MBD5: variants seen among roughly 807,000 people sequenced by gnomAD.
MBD5 encodes the protein methyl-CpG-binding domain protein 5.
Under a neutral mutation model 117.3 loss-of-function variants are expected in MBD5, and 13 were observed. That is an observed-to-expected ratio of 0.11 (90% confidence interval 0.07 to 0.18). MBD5 has a LOEUF of 0.18. MBD5 is among the 10% of genes least tolerant of loss of function. The probability of loss-of-function intolerance (pLI) is 1.00; values close to 1 mark genes in which losing one functional copy is unlikely to be tolerated. For synonymous variants in MBD5, 727 were observed against 766.4 expected (o/e 0.95, Z 0.85); for missense variants, 1,879 against 2,093.8 (o/e 0.90, Z 2.00).
chr2:148,501,122 C>G (rs1681858720), intron 11 of MBD5, among the ~76,000 whole-genome samples: 1 of 152,160 alleles, frequency 6.6e-6, no homozygotes, highest in Non-Finnish European at 1.5e-5. Context: ...ACAAACATTT[C>G]CATATTTGAC....
intron 13 of MBD5, among the ~76,000 whole-genome samples, chr2:148,511,858 G>T (rs1174632819): frequency 6.6e-6 from 1 of 152,142 alleles, no homozygotes; most frequent in Non-Finnish European, 1.5e-5. Flanking sequence ...CTGCATTTGA[G>T]TCTGGATAGC....
At chr2:148,322,246 T>C (rs970193818) in intron 3 of MBD5, among the ~76,000 whole-genome samples, 2 of 152,376 alleles carry the variant, frequency 1.3e-5, no homozygotes, top group East Asian at 3.9e-4. Context: ...GTAAATTGGC[T>C]TATACAACTA....
intron 3 of MBD5, among the ~76,000 whole-genome samples, chr2:148,283,668 C>G (rs1249104476): frequency 6.6e-6 from 1 of 152,188 alleles, no homozygotes; most frequent in Non-Finnish European, 1.5e-5. Flanking sequence ...GTGCTCTCCA[C>G]TGAAGTCCCC....
chr2:148,470,038 A>C lies in MBD5; in HGVS notation c.2095A>C (p.Ser699Arg), dbSNP rs774227790. Residue 699 changes from serine to arginine, a missense_variant, in exon 8 of 14, where the codon AGT (serine) becomes CGT (arginine). Physicochemically the swap from Ser to Arg is moderately radical, Grantham distance 110. This residue lies in a region of MBD5 where 1,666 missense variants were observed against 1,792.2 expected (regional missense o/e 0.93). Coordinates refer to ENST00000642680, the MANE Select transcript of MBD5 (RefSeq NM_001378120.1). ...RKQGQGSFPISSMSQLLQSMS... is the reference protein window; with the variant it reads ...RKQGQGSFPIRSMSQLLQSMS... ...GCAGGGTCAGGGTTCATTTCCCATCAGTTCAATGTCTCAGTTACTACAGTC... is the reference window on the plus strand; with the variant it reads ...GCAGGGTCAGGGTTCATTTCCCATCCGTTCAATGTCTCAGTTACTACAGTC... 1.4e-5 allele frequency: 23 copies of C among 1,613,744 alleles called. No homozygotes were observed. Among genetic ancestry groups the C allele is most frequent in the Non-Finnish European group, 1.9e-5 (22 of 1,179,888 alleles).
At chr2:148,069,468 A>G (rs1453710259) in intron 1 of MBD5, among the ~76,000 whole-genome samples, 1 of 152,082 alleles carries the variant, frequency 6.6e-6, no homozygotes, top group East Asian at 1.9e-4. Context: ...TCAACAGCTC[A>G]CAATAAATGA....
At chr2:148,130,495 T>A (rs1018322026) in intron 1 of MBD5, among the ~76,000 whole-genome samples, 4 of 151,814 alleles carry the variant, frequency 2.6e-5, no homozygotes, top group Non-Finnish European at 5.9e-5. Context: ...ATGTAGAGAA[T>A]TTTCACCAAG....
chr2:148,291,920 C>T (rs1701508793), intron 3 of MBD5, among the ~76,000 whole-genome samples: 1 of 152,126 alleles, frequency 6.6e-6, no homozygotes, highest in Non-Finnish European at 1.5e-5. Flanking sequence ...CATACACATA[C>T]AGTGAACTCA....
chr2:148,154,251 G>A (rs963154820), intron 1 of MBD5, among the ~76,000 whole-genome samples: 28 of 151,688 alleles, frequency 1.8e-4, no homozygotes, highest in Admixed American at 1.6e-3. Flanking sequence ...TAGGCTGCTC[G>A]GGGGTCAGTG....
intron 8 of MBD5, among the ~76,000 whole-genome samples, chr2:148,476,157 G>A (rs1423397818): frequency 2.0e-5 from 3 of 152,048 alleles, no homozygotes; most frequent in Admixed American, 6.6e-5. Flanking sequence ...TACTAGAGCA[G>A]GGCTCCTGTG....
intron 1 of MBD5, among the ~76,000 whole-genome samples, chr2:148,100,243 A>G (rs1358776498): frequency 2.6e-5 from 4 of 152,196 alleles, no homozygotes; most frequent in Admixed American, 2.0e-4. Flanking sequence ...TCTTGAAGCA[A>G]GAGAAAGCAA....
intron 3 of MBD5, among the ~76,000 whole-genome samples, chr2:148,332,614 T>G (rs73015109): frequency 1.3e-5 from 2 of 152,194 alleles, no homozygotes; most frequent in African/African-American, 4.8e-5. Context: ...AATTTTTATG[T>G]CTTCCCTCCA....
At chr2:148,100,947 A>G (rs577447235) in intron 1 of MBD5, among the ~76,000 whole-genome samples, 1 of 152,268 alleles carries the variant, frequency 6.6e-6, no homozygotes, top group African/African-American at 2.4e-5. Flanking sequence ...GCATCTTTGT[A>G]AAGTACAACT....
intron 4 of MBD5, among the ~76,000 whole-genome samples, chr2:148,365,623 C>T (rs902793395): frequency 2.6e-5 from 4 of 152,002 alleles, no homozygotes; most frequent in Non-Finnish European, 5.9e-5. Context: ...CAAATAGACA[C>T]AATAAAAAAT....
intron 1 of MBD5, among the ~76,000 whole-genome samples, chr2:148,168,564 G>A (rs960963839): frequency 6.6e-6 from 1 of 152,148 alleles, no homozygotes; most frequent in African/African-American, 2.4e-5. Flanking sequence ...ATTGGAACCA[G>A]TGAGGAGGGA....
chr2:148,382,216 C>A (rs568057066), intron 4 of MBD5, among the ~76,000 whole-genome samples: 1 of 151,462 alleles, frequency 6.6e-6, no homozygotes. Flanking sequence ...ACCCATCTCA[C>A]GTGCAGAGAC....
chr2:148,150,399 G>T (rs1343586024), intron 1 of MBD5, among the ~76,000 whole-genome samples: 2 of 151,644 alleles, frequency 1.3e-5, no homozygotes, highest in Non-Finnish European at 2.9e-5. Context: ...TGTTCTTTTG[G>T]CTTAGGATTG....
chr2:148,089,677 G>A (rs1180709663), intron 1 of MBD5, among the ~76,000 whole-genome samples: 2 of 151,962 alleles, frequency 1.3e-5, no homozygotes, highest in Non-Finnish European at 2.9e-5. Context: ...CAAAACCTCT[G>A]GGACACAGGA....
At chr2:148,358,145 G>A (rs1703434183) in intron 4 of MBD5, among the ~76,000 whole-genome samples, 1 of 152,122 alleles carries the variant, frequency 6.6e-6, no homozygotes, top group Non-Finnish European at 1.5e-5. Flanking sequence ...GGTCTTAAAA[G>A]AAGTAAAAAC....
intron 1 of MBD5, among the ~76,000 whole-genome samples, chr2:148,036,192 GACAT>G (rs1356713819): frequency 6.6e-6 from 1 of 152,104 alleles, no homozygotes; most frequent in Non-Finnish European, 1.5e-5. Context: ...TAAAGAAACA[GACAT>G]ACAGAGTGTT....
Sources: gnomAD v4.1 joint callset for allele counts (sites outside exome capture counted in the v4.1 genomes callset) on GRCh38, gnomAD v4.1.1 for gene constraint, gnomAD v4.1.1 regional missense constraint, MANE v1.5 for transcripts, NCBI Gene and HGNC (gene_info 2026-07-23, HGNC 2026-07-21) for gene names.